NALF1: variants seen among roughly 807,000 people sequenced by gnomAD.
NALF1 encodes family with sequence similarity 155 member A.
Under a neutral mutation model 48.4 loss-of-function variants are expected in NALF1, and 3 were observed. The observed-to-expected ratio is 0.06, with a 90% CI of 0.03 to 0.16. The LOEUF is 0.16. Ranked by LOEUF, NALF1 falls within the 10% of genes least tolerant of loss-of-function variation. NALF1 has a pLI of 1.00. For synonymous variants in NALF1, 262 were observed against 245.7 expected (o/e 1.07, Z -0.62); for missense variants, 526 against 571.5 (o/e 0.92, Z 0.81).
chr13:107,403,940 T>A (rs1883858045), intron 1 of NALF1, among the ~76,000 whole-genome samples: 2 of 152,132 alleles, frequency 1.3e-5, no homozygotes, highest in African/African-American at 2.4e-5. Flanking sequence ...TTCTATGACA[T>A]AAAACGAAGC....
intron 1 of NALF1, among the ~76,000 whole-genome samples, chr13:107,715,639 G>A (rs1566454854): frequency 6.6e-6 from 1 of 152,126 alleles, no homozygotes; most frequent in Non-Finnish European, 1.5e-5. Context: ...GTAGAGTCAC[G>A]TACAGGAGGA....
chr13:107,511,661 A>C (rs1339264023), intron 1 of NALF1, among the ~76,000 whole-genome samples: 1 of 152,084 alleles, frequency 6.6e-6, no homozygotes, highest in African/African-American at 2.4e-5. Flanking sequence ...AGGCAGGGAG[A>C]CTTTATCTTT....
At chr13:107,694,797 C>CT (rs113861895) in intron 1 of NALF1, among the ~76,000 whole-genome samples, 7,799 of 144,244 alleles carry the variant, frequency 0.054, 497 homozygotes, top group East Asian at 0.38. Context: ...GAAGTCAGTT[C>CT]TTTTTTTTTT....
intron 1 of NALF1, among the ~76,000 whole-genome samples, chr13:107,235,624 G>A (rs561716041): frequency 1.8e-4 from 27 of 152,250 alleles, no homozygotes; most frequent in South Asian, 6.2e-4. Context: ...AGAAAAGTCC[G>A]TACATGTTCA....
chr13:107,600,153 G>A (rs1405251418), intron 1 of NALF1, among the ~76,000 whole-genome samples: 1 of 152,096 alleles, frequency 6.6e-6, no homozygotes, highest in African/African-American at 2.4e-5. Flanking sequence ...AAATCACCAT[G>A]GCATTCAGAA....
intron 2 of NALF1, among the ~76,000 whole-genome samples, chr13:107,197,299 T>C (rs1167140030): frequency 6.6e-6 from 1 of 152,244 alleles, no homozygotes; most frequent in Admixed American, 6.5e-5. Flanking sequence ...ACAATGTATC[T>C]TATAACATCA....
intron 1 of NALF1, among the ~76,000 whole-genome samples, chr13:107,655,213 C>A (rs919385105): frequency 2.6e-5 from 4 of 152,048 alleles, no homozygotes; most frequent in African/African-American, 9.7e-5. Flanking sequence ...CAAACTGTCG[C>A]TCTTTGCTGA....
At chr13:107,706,429 A>G (rs912445814) in intron 1 of NALF1, among the ~76,000 whole-genome samples, 1 of 152,228 alleles carries the variant, frequency 6.6e-6, no homozygotes, top group African/African-American at 2.4e-5. Flanking sequence ...TAGTATATTA[A>G]GATTTCTCAC....
chr13:107,530,272 G>A (rs567842191), intron 1 of NALF1, among the ~76,000 whole-genome samples: 4 of 152,130 alleles, frequency 2.6e-5, no homozygotes, highest in Admixed American at 2.6e-4. Context: ...GTCTGCCTTT[G>A]TTTACTTCAT....
intron 1 of NALF1, among the ~76,000 whole-genome samples, chr13:107,306,136 TA>T (rs1881932401): frequency 6.6e-6 from 1 of 152,206 alleles, no homozygotes; most frequent in Non-Finnish European, 1.5e-5. Flanking sequence ...ACCATAAATT[TA>T]AAATTATCCC....
At chr13:107,796,550 T>C (rs557547253) in intron 1 of NALF1, among the ~76,000 whole-genome samples, 11 of 152,346 alleles carry the variant, frequency 7.2e-5, no homozygotes, top group Admixed American at 2.0e-4. Flanking sequence ...TCTGTGAAAT[T>C]TGTATTTCTT....
At chr13:107,802,450 T>A (rs1878648364) in intron 1 of NALF1, among the ~76,000 whole-genome samples, 1 of 152,174 alleles carries the variant, frequency 6.6e-6, no homozygotes. Context: ...ATTATGGCCT[T>A]CTAAACATTG....
chr13:107,735,129 C>G (rs1234162953), intron 1 of NALF1, among the ~76,000 whole-genome samples: 1 of 151,920 alleles, frequency 6.6e-6, no homozygotes, highest in Non-Finnish European at 1.5e-5. Context: ...TGATCTAAAT[C>G]CAATTGCATG....
chr13:107,418,809 C>T (rs1277306868), intron 1 of NALF1, among the ~76,000 whole-genome samples: 4 of 152,152 alleles, frequency 2.6e-5, no homozygotes, highest in Non-Finnish European at 5.9e-5. Context: ...TTCTTACACA[C>T]ATACATGTAA....
intron 1 of NALF1, among the ~76,000 whole-genome samples, chr13:107,512,831 T>C (rs1329439301): frequency 6.6e-6 from 1 of 152,172 alleles, no homozygotes. Flanking sequence ...GCATTTCTTA[T>C]GGAAAGCTGC....
intron 1 of NALF1, among the ~76,000 whole-genome samples, chr13:107,614,344 C>A (rs1241166684): frequency 6.6e-6 from 1 of 152,078 alleles, no homozygotes; most frequent in Non-Finnish European, 1.5e-5. Flanking sequence ...TTAAACAGGC[C>A]AGGTGTTGTC....
intron 1 of NALF1, among the ~76,000 whole-genome samples, chr13:107,486,770 C>T (rs2139065616): frequency 6.6e-6 from 1 of 152,234 alleles, no homozygotes; most frequent in Middle Eastern, 3.4e-3. Flanking sequence ...TCCTCATTCC[C>T]TTCTTTTCAT....
Position 107,866,793 on chromosome 13 carries a change from CTCTG to C in NALF1, c.-201_-198del, listed in dbSNP as rs1880749980. The C allele has an allele frequency of 1.7e-6, 1 of 593,062 alleles. No homozygotes were observed. The highest frequency in any genetic ancestry group is 3.0e-6 in the Non-Finnish European group (1 of 336,522). The allele number at this position is 593,062 out of a possible 1,614,324, so 36.7% of individuals were successfully genotyped here. A position where few individuals can be genotyped will look rare whatever the true frequency, so the allele number is the denominator to read the frequency against. ...CTCCCTCTCCCTCTCTTTTATCTCTCTCTGTCTCTTTTGCCTACATAAATATTAC... is the reference window on the plus strand; with the variant it reads ...CTCCCTCTCCCTCTCTTTTATCTCTCTCTCTTTTGCCTACATAAATATTAC... On this transcript the variant is annotated 5_prime_UTR_variant, in exon 1 of 3. Transcript: ENST00000375915. This position sits in a 1 kb window ranked among gnomAD's most constrained non-coding sequence, Gnocchi z 4.4.
chr13:107,423,339 T>C (rs567992460), intron 1 of NALF1, among the ~76,000 whole-genome samples: 81 of 152,118 alleles, frequency 5.3e-4, no homozygotes, highest in Admixed American at 2.2e-3. Flanking sequence ...GGGTAAAAGG[T>C]CCTAAATTCA....
Sources: allele counts gnomAD v4.1 joint callset (sites outside exome capture counted in the v4.1 genomes callset), GRCh38; gene constraint gnomAD v4.1.1; non-coding constraint Gnocchi (gnomAD v3.1); transcripts MANE v1.5; gene names NCBI Gene and HGNC (gene_info 2026-07-23, HGNC 2026-07-21).